Variants in CENPP observed in about 807,000 individuals in gnomAD.
CENPP encodes centromere protein P.
In CENPP, 24 loss-of-function variants were observed where a neutral mutation model predicts 35.6. The observed-to-expected ratio is 0.67, with a 90% CI of 0.49 to 0.95. The LOEUF is 0.95. Ranked by LOEUF, CENPP falls within the 40% of genes least tolerant of loss-of-function variation. The probability of loss-of-function intolerance (pLI) is 0.00; values close to 1 mark genes in which losing one functional copy is unlikely to be tolerated. For missense variants in CENPP, 332 were observed against 345.3 expected (o/e 0.96, Z 0.31); for synonymous variants, 120 against 125.5 (o/e 0.96, Z 0.29).
At chr9:92,487,181 G>T (rs528001357) in intron 5 of CENPP, among the ~76,000 whole-genome samples, 31 of 152,324 alleles carry the variant, frequency 2.0e-4, no homozygotes, top group African/African-American at 7.5e-4. Context: ...TCTTTCCACT[G>T]AGCAGACCTG....
At chr9:92,496,688 G>T (rs901903871) in intron 5 of CENPP, among the ~76,000 whole-genome samples, 12 of 152,212 alleles carry the variant, frequency 7.9e-5, no homozygotes, top group Admixed American at 3.3e-4. Context: ...CACACCCTCT[G>T]ACTCGGGAGA....
intron 5 of CENPP, among the ~76,000 whole-genome samples, chr9:92,537,323 C>G (rs1849206219): frequency 1.3e-5 from 2 of 152,046 alleles, no homozygotes; most frequent in South Asian, 4.1e-4. Flanking sequence ...AATACATAAG[C>G]CACTCAACTT....
chr9:92,390,636 G>T (rs865825495), intron 5 of CENPP, among the ~76,000 whole-genome samples: 6 of 152,010 alleles, frequency 3.9e-5, no homozygotes, highest in Non-Finnish European at 8.8e-5. Flanking sequence ...GGATAATTAG[G>T]AAATCAATTG....
intron 5 of CENPP, among the ~76,000 whole-genome samples, chr9:92,449,703 TAGTA>T (rs949796576): frequency 3.9e-5 from 6 of 152,058 alleles, no homozygotes; most frequent in Non-Finnish European, 8.8e-5. Flanking sequence ...GTTCTCATGA[TAGTA>T]AGTGAGTTCT....
intron 3 of CENPP, among the ~76,000 whole-genome samples, chr9:92,341,930 T>C (rs1175639196): frequency 6.6e-6 from 1 of 152,270 alleles, no homozygotes; most frequent in Non-Finnish European, 1.5e-5. Flanking sequence ...ACATGCTGAA[T>C]GAATTAGAGT....
intron 5 of CENPP, among the ~76,000 whole-genome samples, chr9:92,420,145 AC>A (rs1160375107): frequency 6.6e-6 from 1 of 151,912 alleles, no homozygotes. Flanking sequence ...TATTACTGGA[AC>A]CCTTCATACT....
chr9:92,385,224 C>T (rs1160605958), intron 5 of CENPP: 1 of 157,120 alleles, frequency 6.4e-6, no homozygotes, highest in South Asian at 2.0e-4. Context: ...GAACATGTAC[C>T]TTAAATGCTT....
intron 5 of CENPP, among the ~76,000 whole-genome samples, chr9:92,526,808 CTT>C (rs1167142602): frequency 6.6e-6 from 1 of 152,096 alleles, no homozygotes; most frequent in South Asian, 2.1e-4. Context: ...TTAGTAGACT[CTT>C]AGTGTACAGT....
chr9:92,439,826 A>G (rs1248453949), intron 5 of CENPP, among the ~76,000 whole-genome samples: 1 of 152,190 alleles, frequency 6.6e-6, no homozygotes, highest in Non-Finnish European at 1.5e-5. Flanking sequence ...GAACTCTTTG[A>G]TCTTCAAAGT....
intron 5 of CENPP, among the ~76,000 whole-genome samples, chr9:92,597,411 G>A (rs1033488915): frequency 1.3e-5 from 2 of 152,128 alleles, no homozygotes; most frequent in Non-Finnish European, 2.9e-5. Context: ...CTGTGAAAAA[G>A]TTTAAATGGG....
At chr9:92,333,271 CAG>C (rs1253381336) in intron 2 of CENPP, among the ~76,000 whole-genome samples, 1 of 152,178 alleles carries the variant, frequency 6.6e-6, no homozygotes, top group African/African-American at 2.4e-5. Flanking sequence ...ACCCTCATGA[CAG>C]GGGAGAGGGT....
chr9:92,461,337 A>G (rs971901226), intron 5 of CENPP, among the ~76,000 whole-genome samples: 1 of 152,244 alleles, frequency 6.6e-6, no homozygotes, highest in Non-Finnish European at 1.5e-5. Flanking sequence ...CATCTAATAT[A>G]GTAAAGTTTC....
chr9:92,363,232 T>TAC (rs1321109173), intron 4 of CENPP, among the ~76,000 whole-genome samples: 1 of 40,360 alleles, frequency 2.5e-5, no homozygotes. Context: ...TTTATACATA[T>TAC]ATACACACAC....
intron 5 of CENPP, among the ~76,000 whole-genome samples, chr9:92,576,277 T>C (rs761538471): frequency 2.4e-4 from 37 of 152,202 alleles, no homozygotes; most frequent in Non-Finnish European, 4.3e-4. Flanking sequence ...ATGATTTCAC[T>C]TACATGAGGT....
At chr9:92,477,964 G>GT (rs572859146) in intron 5 of CENPP, among the ~76,000 whole-genome samples, 4 of 152,206 alleles carry the variant, frequency 2.6e-5, no homozygotes, top group African/African-American at 7.2e-5. Flanking sequence ...ATTCTTCACC[G>GT]TGTCTGTCTA....
chr9:92,514,513 G>A, intron 5 of CENPP: 1 of 1,350,998 alleles, frequency 7.4e-7, no homozygotes, highest in Admixed American at 2.7e-5. Flanking sequence ...GACCTCAGGT[G>A]ATCTGGCCAC....
intron 5 of CENPP, among the ~76,000 whole-genome samples, chr9:92,421,578 A>G (rs1843795203): frequency 6.6e-6 from 1 of 152,190 alleles, no homozygotes; most frequent in Non-Finnish European, 1.5e-5. Flanking sequence ...GGAAATGCTT[A>G]TTCACCTAGT....
Position 92,448,851 on chromosome 9 carries a change from G to T in CENPP, c.564+68992G>T, listed in dbSNP as rs543959500. ...GCCTTCCATTAGCTTTACAAAATAA[G>T]CTGAGTTTTGGGCAAGGTCTATTAC... On this transcript the variant is annotated intron_variant, in intron 5 of 7. Coordinates refer to ENST00000375587, the MANE Select transcript of CENPP (RefSeq NM_001012267.3). Among the ~76,000 whole-genome samples the T allele has an allele frequency of 8.5e-5, 13 of 152,270 alleles. No homozygotes were observed. In the South Asian group the frequency reaches 2.7e-3, roughly 32 times the overall value.
Position 92,613,387 on chromosome 9 carries a change from T to G in CENPP, c.*238T>G, listed in dbSNP as rs1851331499. On this transcript the variant is annotated 3_prime_UTR_variant, in exon 8 of 8. Coordinates refer to ENST00000375587, the MANE Select transcript of CENPP (RefSeq NM_001012267.3). ...GTGGTTTATAAAAATAAGCTTAACA[T>G]CTGAGAAAATGTACCAAGTGGTTGT... 2 of 442,782 alleles carry G rather than the reference T, an allele frequency of 4.5e-6. No individual in the cohort carries two copies. The highest frequency in any genetic ancestry group is 3.5e-5 in the Admixed American group (1 of 28,962). The allele number at this position is 442,782 out of a possible 1,614,324, so 27.4% of individuals were successfully genotyped here.
Sources: gnomAD v4.1 joint callset for allele counts (sites outside exome capture counted in the v4.1 genomes callset) on GRCh38, gnomAD v4.1.1 for gene constraint, MANE v1.5 for transcripts, NCBI Gene and HGNC (gene_info 2026-07-23, HGNC 2026-07-21) for gene names.